The following TMEM117 variants were observed in gnomAD, a reference collection of about 807,000 sequenced individuals.
The protein encoded by TMEM117 is transmembrane protein 117.
TMEM117 carries 27 observed loss-of-function variants against 52.4 expected under a neutral mutation model. The ratio of observed to expected loss-of-function variants is 0.51; its 90% CI spans 0.38 to 0.71. The LOEUF (loss-of-function observed/expected upper bound fraction) is 0.71, where lower values mean the gene tolerates loss of function less well. Ranked by LOEUF, TMEM117 falls within the 30% of genes least tolerant of loss-of-function variation. The pLI is 0.00. For synonymous variants in TMEM117, 215 were observed against 206.3 expected (o/e 1.04, Z -0.36); for missense variants, 556 against 630.5 (o/e 0.88, Z 1.26).
intron 2 of TMEM117, among the ~76,000 whole-genome samples, chr12:43,879,699 A>G (rs2137447230): frequency 6.6e-6 from 1 of 152,350 alleles, no homozygotes; most frequent in Middle Eastern, 3.4e-3. Context: ...TTGTATCAGC[A>G]TGCATAGTTT....
chr12:44,035,720 C>T (rs1946700336), intron 3 of TMEM117, among the ~76,000 whole-genome samples: 1 of 152,100 alleles, frequency 6.6e-6, no homozygotes, highest in African/African-American at 2.4e-5. Context: ...TGACTTTTAC[C>T]TGCTGACAGT....
intron 2 of TMEM117, among the ~76,000 whole-genome samples, chr12:43,921,005 C>G (rs1944684771): frequency 6.6e-6 from 1 of 152,110 alleles, no homozygotes; most frequent in Admixed American, 6.6e-5. Flanking sequence ...TCATTTATAT[C>G]TGGAGTAGCT....
intron 3 of TMEM117, among the ~76,000 whole-genome samples, chr12:43,967,439 G>T (rs74364320): frequency 0.016 from 2,392 of 152,186 alleles, 28 homozygotes; most frequent in South Asian, 0.041. Flanking sequence ...TACTTCTGAG[G>T]TTAGGGTGGC....
intron 3 of TMEM117, among the ~76,000 whole-genome samples, chr12:44,043,303 G>A (rs957580628): frequency 6.6e-6 from 1 of 152,164 alleles, no homozygotes; most frequent in Non-Finnish European, 1.5e-5. Flanking sequence ...ACAGATACAA[G>A]TTCTTATCAT....
At position 44,363,802 on chromosome 12, in the gene TMEM117, G is replaced by C. The variant is rs373657328; in HGVS notation, c.769-12793G>C. ...AATGATTAGTTGAGGTATTTGTTTT[G>C]AGTGTGTAGTTGTTAGAGTGAATTT... is the stretch of plus-strand genomic sequence containing the variant. On this transcript the variant is annotated intron_variant, in intron 6 of 7. Transcript: ENST00000266534. Among the ~76,000 whole-genome samples the C allele has an allele frequency of 2.1e-4, 32 of 152,260 alleles. No homozygotes were observed. In the South Asian group the frequency reaches 6.2e-3, roughly 30 times the overall value.
intron 3 of TMEM117, among the ~76,000 whole-genome samples, chr12:44,066,574 C>T (rs1271109773): frequency 6.6e-6 from 1 of 152,094 alleles, no homozygotes; most frequent in Non-Finnish European, 1.5e-5. Context: ...CGTATAAAAG[C>T]TATATGTACA....
chr12:44,226,004 C>T (rs1949855779), intron 5 of TMEM117, among the ~76,000 whole-genome samples: 1 of 152,166 alleles, frequency 6.6e-6, no homozygotes, highest in African/African-American at 2.4e-5. Flanking sequence ...GTCGCAAAAA[C>T]AGTTTTAAAC....
At chr12:44,345,355 C>T (rs1018663832) in intron 6 of TMEM117, among the ~76,000 whole-genome samples, 40 of 152,178 alleles carry the variant, frequency 2.6e-4, no homozygotes, top group African/African-American at 9.1e-4. Flanking sequence ...TGTGGAATAG[C>T]AGCACCTTGA....
At chr12:44,351,936 A>G (rs1039851696) in intron 6 of TMEM117, among the ~76,000 whole-genome samples, 1 of 151,944 alleles carries the variant, frequency 6.6e-6, no homozygotes, top group Non-Finnish European at 1.5e-5. Context: ...TATCACCATG[A>G]CGTACCTTAA....
chr12:44,023,311 G>C (rs1175366752), intron 3 of TMEM117, among the ~76,000 whole-genome samples: 1 of 152,232 alleles, frequency 6.6e-6, no homozygotes, highest in East Asian at 1.9e-4. Flanking sequence ...TTATTGCAGC[G>C]TGATTTATAA....
chr12:43,849,830 T>G (rs1943275459), intron 2 of TMEM117, among the ~76,000 whole-genome samples: 2 of 152,186 alleles, frequency 1.3e-5, no homozygotes, highest in South Asian at 4.1e-4. Flanking sequence ...CACCTCTCAT[T>G]CTCTGATCCA....
At chr12:44,358,744 T>C (rs1032010889) in intron 6 of TMEM117, among the ~76,000 whole-genome samples, 2 of 152,120 alleles carry the variant, frequency 1.3e-5, no homozygotes, top group Admixed American at 6.6e-5. Context: ...GTTTGTAACA[T>C]TGAGAAGAGC....
At chr12:43,916,817 T>C (rs1944611591) in intron 2 of TMEM117, among the ~76,000 whole-genome samples, 1 of 152,158 alleles carries the variant, frequency 6.6e-6, no homozygotes, top group African/African-American at 2.4e-5. Flanking sequence ...CAGGTAGATA[T>C]ATCTGATTTC....
At chr12:44,208,426 G>A (rs181010806) in intron 4 of TMEM117, among the ~76,000 whole-genome samples, 1 of 152,196 alleles carries the variant, frequency 6.6e-6, no homozygotes, top group East Asian at 1.9e-4. Flanking sequence ...CTGTGAGAGA[G>A]GTATTCACAG....
chr12:44,185,330 G>A (rs17094187), intron 4 of TMEM117, among the ~76,000 whole-genome samples: 7,518 of 152,042 alleles, frequency 0.049, 615 homozygotes, highest in African/African-American at 0.17. Context: ...GTTCCATCAC[G>A]AAAATTAGAT....
chr12:44,202,613 T>C (rs560247341), intron 4 of TMEM117, among the ~76,000 whole-genome samples: 7 of 152,302 alleles, frequency 4.6e-5, no homozygotes, highest in Admixed American at 4.6e-4. Context: ...TCTTTTTTCA[T>C]TGTGACTCTT....
At chr12:43,837,099 C>A (rs1943044689) in intron 1 of TMEM117, among the ~76,000 whole-genome samples, 1 of 151,798 alleles carries the variant, frequency 6.6e-6, no homozygotes, top group African/African-American at 2.4e-5. Context: ...TCTTTTATCC[C>A]CCAAGTCTTT....
At chr12:44,014,010 G>A (rs1231962785) in intron 3 of TMEM117, among the ~76,000 whole-genome samples, 3 of 152,140 alleles carry the variant, frequency 2.0e-5, no homozygotes, top group African/African-American at 7.2e-5. Flanking sequence ...AACTTTCAGG[G>A]GAGGGGCATA....
At chr12:44,229,533 C>G (rs1408520564) in intron 5 of TMEM117, among the ~76,000 whole-genome samples, 1 of 152,080 alleles carries the variant, frequency 6.6e-6, no homozygotes, top group Non-Finnish European at 1.5e-5. Flanking sequence ...ACACACAGCA[C>G]AGCTTATGTG....
Sources: allele counts gnomAD v4.1 joint callset (sites outside exome capture counted in the v4.1 genomes callset), GRCh38; gene constraint gnomAD v4.1.1; transcripts MANE v1.5; gene names NCBI Gene and HGNC (gene_info 2026-07-23, HGNC 2026-07-21).